SLC2A9: variants seen among roughly 807,000 people sequenced by gnomAD.
The protein encoded by SLC2A9 is solute carrier family 2, facilitated glucose transporter member 9.
In SLC2A9, 39 loss-of-function variants were observed where a neutral mutation model predicts 50.6. That is an observed-to-expected ratio of 0.77 (90% CI 0.60 to 1.01). The LOEUF (loss-of-function observed/expected upper bound fraction) is 1.01. Ranked by LOEUF, SLC2A9 falls within the 50% of genes least tolerant of loss-of-function variation. The pLI, the probability that SLC2A9 is intolerant of heterozygous loss-of-function variation, is 0.00. For missense variants in SLC2A9, 686 were observed against 677.6 expected, an observed-to-expected ratio of 1.01 and a Z score of -0.14; for synonymous variants, 324 against 276.9, an observed-to-expected ratio of 1.17 and a Z score of -1.69.
chr4:10,019,270 C>T (rs769728706), intron 1 of SLC2A9, 197 bp from the exon 2 acceptor site: 4 of 594,442 alleles, frequency 6.7e-6, no homozygotes, highest in African/African-American at 1.9e-5. Flanking sequence ...CGTGCGCAGG[C>T]CGGGCGCCCT....
intron 3 of SLC2A9, among the ~76,000 whole-genome samples, chr4:9,821,167 C>A (rs1577390593): frequency 6.6e-6 from 1 of 152,128 alleles, no homozygotes; most frequent in Non-Finnish European, 1.5e-5. Context: ...AATGTTTCCC[C>A]TGTATCTATT....
chr4:9,973,108 G>T (rs1341039185), intron 5 of SLC2A9, among the ~76,000 whole-genome samples: 1 of 152,082 alleles, frequency 6.6e-6, no homozygotes, highest in African/African-American at 2.4e-5. Flanking sequence ...AATGATGAAG[G>T]TGACATTATA....
chr4:9,883,045 A>T (rs1374042787), intron 10 of SLC2A9, among the ~76,000 whole-genome samples: 2 of 152,122 alleles, frequency 1.3e-5, no homozygotes, highest in Non-Finnish European at 1.5e-5. Context: ...CATGGAAGTG[A>T]TGCATGTATG....
intron 3 of SLC2A9, among the ~76,000 whole-genome samples, chr4:9,817,173 A>G (rs921408902): frequency 2.0e-5 from 3 of 152,132 alleles, no homozygotes; most frequent in African/African-American, 7.2e-5. Context: ...CATTGGGTTT[A>G]CCCAGTCATC....
At chr4:9,779,347 C>G (rs376128188), downstream of SLC2A9, among the ~76,000 whole-genome samples, 1 of 152,104 alleles carries the variant, frequency 6.6e-6, no homozygotes, top group African/African-American at 2.4e-5. Context: ...CCCTTCACAG[C>G]CCTTGTCACA....
At chr4:10,031,185 C>T (rs1763931910) in intron 1 of SLC2A9, among the ~76,000 whole-genome samples, 1 of 152,246 alleles carries the variant, frequency 6.6e-6, no homozygotes, top group South Asian at 2.1e-4. Context: ...TTAGCACTGT[C>T]ACCCATGCCA....
chr4:9,878,861 T>C (rs1256697088), intron 10 of SLC2A9, among the ~76,000 whole-genome samples: 1 of 151,916 alleles, frequency 6.6e-6, no homozygotes, highest in African/African-American at 2.4e-5. Context: ...TTGAGCTGAA[T>C]TGTTGGACAC....
intron 10 of SLC2A9, among the ~76,000 whole-genome samples, chr4:9,882,959 TG>T (rs1364395836): frequency 1.3e-5 from 2 of 152,316 alleles, no homozygotes; most frequent in East Asian, 3.9e-4. Flanking sequence ...GGTTTAGCTA[TG>T]GGGCTAGCTT....
chr4:9,981,723 GT>G (rs979479042), intron 4 of SLC2A9, among the ~76,000 whole-genome samples: 1 of 152,088 alleles, frequency 6.6e-6, no homozygotes, highest in East Asian at 1.9e-4. Flanking sequence ...AAATATAATA[GT>G]TTTTTTCTCT....
At chr4:10,036,547 C>T (rs949861153) in intron 1 of SLC2A9, among the ~76,000 whole-genome samples, 1 of 152,208 alleles carries the variant, frequency 6.6e-6, no homozygotes, top group Admixed American at 6.5e-5. Flanking sequence ...TGTTGTCCTG[C>T]TTTTTCCAGT....
intron 1 of SLC2A9, 177 bp from the exon 2 acceptor site, chr4:10,019,250 TC>T: frequency 1.6e-6 from 1 of 611,896 alleles, no homozygotes; most frequent in Non-Finnish European, 2.9e-6. Flanking sequence ...AGGGTTCCAG[TC>T]CAGGTCCGCG....
upstream of SLC2A9, among the ~76,000 whole-genome samples, chr4:10,023,814 G>A (rs1434816080): frequency 6.6e-6 from 1 of 152,180 alleles, no homozygotes; most frequent in African/African-American, 2.4e-5. Context: ...GGCAACTGAA[G>A]TTCAGGGGGA....
intron 11 of SLC2A9, among the ~76,000 whole-genome samples, chr4:9,831,006 G>A (rs1352737864): frequency 2.6e-5 from 4 of 152,192 alleles, no homozygotes; most frequent in African/African-American, 9.7e-5. Flanking sequence ...AGGGCCCTCC[G>A]CTAATACATG....
At chr4:9,773,849 C>T (rs1355976927) in intron 1 of SLC2A9, among the ~76,000 whole-genome samples, 1 of 152,160 alleles carries the variant, frequency 6.6e-6, no homozygotes, top group African/African-American at 2.4e-5. Flanking sequence ...ACCATCCCCA[C>T]CAGACAAGCA....
intron 5 of SLC2A9, among the ~76,000 whole-genome samples, chr4:9,961,540 T>C (rs1288361822): frequency 2.0e-5 from 3 of 152,302 alleles, no homozygotes; most frequent in Non-Finnish European, 2.9e-5. Context: ...TTACACCTTA[T>C]ACAAAAATTA....
chr4:9,940,322 G>A (rs888880061), intron 6 of SLC2A9, among the ~76,000 whole-genome samples: 2 of 152,180 alleles, frequency 1.3e-5, no homozygotes, highest in African/African-American at 4.8e-5. Flanking sequence ...CACATGGGAA[G>A]TCACCCGGTA....
chr4:9,797,102 T>C (rs1720683430), downstream of SLC2A9, among the ~76,000 whole-genome samples: 1 of 152,150 alleles, frequency 6.6e-6, no homozygotes, highest in Non-Finnish European at 1.5e-5. Context: ...TCAGGAAGTG[T>C]TCCAAGAACC....
chr4:10,003,670 G>C lies in SLC2A9; in HGVS notation c.250-6729C>G, dbSNP rs188428223. ...CCACAAGGCTGAAGCCAGTGATGAAGTTTGCTCAGAGAATTCACTGCACTA... is the reference window on the plus strand; with the variant it reads ...CCACAAGGCTGAAGCCAGTGATGAACTTTGCTCAGAGAATTCACTGCACTA... On this transcript the variant is annotated intron_variant, in intron 2 of 11. Coordinates refer to ENST00000264784, the MANE Select transcript of SLC2A9 (RefSeq NM_020041.3). Among the ~76,000 whole-genome samples, 283 of 152,334 alleles carry C rather than the reference G, an allele frequency of 1.9e-3. 1 individual carries two copies. Among genetic ancestry groups the C allele is most frequent in the Middle Eastern group, 6.8e-3 (2 of 294 alleles).
intron 7 of SLC2A9, among the ~76,000 whole-genome samples, chr4:9,910,485 C>T (rs748681225): frequency 6.6e-6 from 1 of 152,204 alleles, no homozygotes; most frequent in Non-Finnish European, 1.5e-5. Context: ...TAATCATCAG[C>T]CAAATTCACT....
Sources: allele counts gnomAD v4.1 joint callset (sites outside exome capture counted in the v4.1 genomes callset), GRCh38; gene constraint gnomAD v4.1.1; transcripts MANE v1.5; gene names NCBI Gene and HGNC (gene_info 2026-07-23, HGNC 2026-07-21).